DCLK1: variants seen among roughly 807,000 people sequenced by gnomAD.
The protein encoded by DCLK1 is serine/threonine-protein kinase DCLK1.
In DCLK1, 16 loss-of-function variants were observed where a neutral mutation model predicts 86.2. The observed-to-expected ratio is 0.19, with a 90% CI of 0.13 to 0.28. The LOEUF (loss-of-function observed/expected upper bound fraction) is 0.28, where lower values mean the gene tolerates loss of function less well. Among genes scored for constraint, DCLK1 ranks in the 10% least tolerant of loss-of-function variants. The pLI, the probability that DCLK1 is intolerant of heterozygous loss-of-function variation, is 1.00. For missense variants in DCLK1, 590 were observed against 940.2 expected, an observed-to-expected ratio of 0.63 and a Z score of 4.87; for synonymous variants, 369 against 370.5, an observed-to-expected ratio of 1.00 and a Z score of 0.05.
At chr13:35,927,030 C>G (rs1186098374) in intron 4 of DCLK1, among the ~76,000 whole-genome samples, 1 of 152,222 alleles carries the variant, frequency 6.6e-6, no homozygotes. Flanking sequence ...GTGACACTAA[C>G]CTGCTAGTTG....
chr13:35,929,470 A>G (rs1374255083), intron 4 of DCLK1, among the ~76,000 whole-genome samples: 1 of 152,206 alleles, frequency 6.6e-6, no homozygotes, highest in Non-Finnish European at 1.5e-5. Flanking sequence ...CCACTGCCAT[A>G]TTGTTAGGCT....
At chr13:36,073,995 T>G (rs1426335576) in intron 3 of DCLK1, among the ~76,000 whole-genome samples, 1 of 152,234 alleles carries the variant, frequency 6.6e-6, no homozygotes, top group African/African-American at 2.4e-5. Context: ...TACAGTTCTT[T>G]GTTTTTTGTT....
At chr13:35,869,228 G>T in intron 5 of DCLK1, 1 of 434,024 alleles carries the variant, frequency 2.3e-6, no homozygotes, top group Non-Finnish European at 4.6e-6. Flanking sequence ...GCAATTCCAG[G>T]ATCACTCTGT....
intron 3 of DCLK1, among the ~76,000 whole-genome samples, chr13:35,961,151 C>T (rs144910832): frequency 1.4e-4 from 21 of 152,278 alleles, no homozygotes; most frequent in Admixed American, 3.9e-4. Flanking sequence ...GAGTCACCTA[C>T]TCAACACATT....
chr13:35,833,212 G>A (rs376700642), intron 8 of DCLK1, among the ~76,000 whole-genome samples: 1 of 152,264 alleles, frequency 6.6e-6, no homozygotes, highest in East Asian at 1.9e-4. Flanking sequence ...CAGCAGTGCA[G>A]GTGGGGAAGA....
At chr13:35,842,301 G>T (rs7318908) in intron 6 of DCLK1, among the ~76,000 whole-genome samples, 3,486 of 145,222 alleles carry the variant, frequency 0.024, 149 homozygotes, top group African/African-American at 0.081. Context: ...CTCCATGTTT[G>T]CCATTTATTG....
chr13:35,947,192 T>C (rs1471373801), intron 4 of DCLK1, among the ~76,000 whole-genome samples, 166 bp downstream of exon 4: 1 of 152,100 alleles, frequency 6.6e-6, no homozygotes, highest in Non-Finnish European at 1.5e-5. Context: ...CTGTTTTCCA[T>C]ATTTAAAAAA....
intron 3 of DCLK1, among the ~76,000 whole-genome samples, chr13:35,948,630 GGCTTTA>G (rs1877508375): frequency 2.0e-5 from 3 of 152,144 alleles, no homozygotes; most frequent in Admixed American, 2.0e-4. Flanking sequence ...ATGATGTGTG[GGCTTTA>G]GACTGTCTTT....
intron 15 of DCLK1, among the ~76,000 whole-genome samples, chr13:35,804,963 G>A (rs1009636858): frequency 2.6e-5 from 4 of 152,218 alleles, no homozygotes; most frequent in Admixed American, 6.5e-5. Context: ...CAGGTGATTT[G>A]TGAGCACATT....
chr13:35,818,826 T>A (rs1247931926), intron 11 of DCLK1, among the ~76,000 whole-genome samples: 1 of 151,124 alleles, frequency 6.6e-6, no homozygotes, highest in Non-Finnish European at 1.5e-5. Context: ...GTTCCTTTAG[T>A]CATGAACCAT....
chr13:36,048,400 T>C (rs1883002715), intron 3 of DCLK1, among the ~76,000 whole-genome samples: 2 of 152,182 alleles, frequency 1.3e-5, no homozygotes, highest in Admixed American at 1.3e-4. Context: ...ATTATTTTTC[T>C]TTACACAAAG....
At position 35,953,851 on chromosome 13, in the gene DCLK1, A is replaced by C. The variant is rs1006368772; in HGVS notation, c.724-6394T>G. On this transcript the variant is annotated intron_variant, in intron 3 of 16. Transcript: ENST00000360631. ...TTTTCTTTACAAGAGCGCCCTCTTC[A>C]AACGAAACAGGGGATATCTCTGCAG... Among the ~76,000 whole-genome samples the C allele has an allele frequency of 2.0e-5, 3 of 152,198 alleles. No homozygotes were observed. The South Asian group carries it at 6.2e-4, about 32-fold the overall frequency.
intron 15 of DCLK1, among the ~76,000 whole-genome samples, chr13:35,793,755 A>C (rs2086749916): frequency 6.6e-6 from 1 of 152,188 alleles, no homozygotes; most frequent in African/African-American, 2.4e-5. Flanking sequence ...TTTGGTTTCT[A>C]ATAAAATCTA....
At chr13:35,796,834 G>A (rs1460436527) in intron 15 of DCLK1, among the ~76,000 whole-genome samples, 5 of 152,180 alleles carry the variant, frequency 3.3e-5, no homozygotes, top group African/African-American at 1.2e-4. Flanking sequence ...TCTTTTCCAT[G>A]ATGAAAGTGG....
Position 36,069,067 on chromosome 13 carries a change from T to C in DCLK1, c.723+42802A>G, listed in dbSNP as rs142124286. ...TTCACATCACATTATAGCAATTTAA[T>C]CTTAATAATCCCATGAGACACTTAG... On this transcript the variant is annotated intron_variant, in intron 3 of 16. Transcript: ENST00000360631. Among the ~76,000 whole-genome samples the C allele has an allele frequency of 5.9e-3, 904 of 152,358 alleles. 9 individuals carry two copies. The highest frequency in any genetic ancestry group is 0.021 in the African/African-American group (853 of 41,586).
intron 3 of DCLK1, among the ~76,000 whole-genome samples, chr13:35,999,263 A>C (rs1566639107): frequency 2.0e-5 from 3 of 152,264 alleles, no homozygotes; most frequent in South Asian, 2.1e-4. Context: ...TCAAACAAAA[A>C]AAAAAAATTC....
intron 10 of DCLK1, among the ~76,000 whole-genome samples, chr13:35,825,216 C>T (rs7324332): frequency 1.1e-4 from 17 of 152,114 alleles, no homozygotes; most frequent in African/African-American, 3.4e-4. Flanking sequence ...GCATACCCCA[C>T]CCACATGTCT....
At chr13:36,092,340 A>G (rs1354496319) in intron 3 of DCLK1, among the ~76,000 whole-genome samples, 1 of 152,182 alleles carries the variant, frequency 6.6e-6, no homozygotes, top group Non-Finnish European at 1.5e-5. Context: ...TATCATGCAT[A>G]TGAAGTGCTT....
In DCLK1 at chr13:35,982,431, AGGGGGAGGGAGGGAGG is replaced by A. The variant is rs1213853406; in HGVS notation, c.724-34990_724-34975del. Reference sequence around the variant, plus strand: ...AAGGGAGAGAGAGAGAGAGAGAGAGAGGGGGAGGGAGGGAGGGAGGGAGGGAGGGAGGGAGGGAGGG... The same window carrying A: ...AAGGGAGAGAGAGAGAGAGAGAGAGAGAGGGAGGGAGGGAGGGAGGGAGGG... On this transcript the variant is annotated intron_variant, in intron 3 of 16. Coordinates refer to ENST00000360631, the MANE Select transcript of DCLK1 (RefSeq NM_001330071.2). 9.9e-3 allele frequency among the ~76,000 whole-genome samples: 407 copies of A among 41,176 alleles called. 20 individuals are homozygous for A. Among genetic ancestry groups the A allele is most frequent in the Admixed American group, 0.015 (46 of 3,126 alleles). The allele number at this position is 41,176 out of a possible 152,430, so 27.0% of individuals were successfully genotyped here.
Sources: gnomAD v4.1 joint callset for allele counts (sites outside exome capture counted in the v4.1 genomes callset) on GRCh38, gnomAD v4.1.1 for gene constraint, MANE v1.5 for transcripts, NCBI Gene and HGNC (gene_info 2026-07-23, HGNC 2026-07-21) for gene names.